The following OR52N4 variants were observed in gnomAD, a reference collection of about 807,000 sequenced individuals.
OR52N4 encodes the protein olfactory receptor family 52 subfamily N member 4, also known as olfactory receptor 52N4.
In OR52N4, 15 loss-of-function variants were observed where a neutral mutation model predicts 15.0. That is an observed-to-expected ratio of 1.00 (90% CI 0.67 to 1.54). OR52N4 has a LOEUF of 1.54. Ranked by LOEUF, OR52N4 falls within the 40% of genes most tolerant of loss-of-function variation. The pLI, the probability that OR52N4 is intolerant of heterozygous loss-of-function variation, is 0.00. For missense variants in OR52N4, 421 were observed against 394.0 expected, an observed-to-expected ratio of 1.07 and a Z score of -0.58; for synonymous variants, 143 against 143.7, an observed-to-expected ratio of 1.00 and a Z score of 0.03.
At chr11:5,734,810 G>T in the OR52N4 span, among the ~76,000 whole-genome samples, 4,543 of 152,078 alleles carry the variant, frequency 0.03, 70 homozygotes, top group African/African-American at 0.045. Flanking sequence ...TCCTCTAAAA[G>T]CTCAAAGTCA....
chr11:5,736,743 G>A, the OR52N4 span: 4 of 1,614,004 alleles, frequency 2.5e-6, no homozygotes, highest in South Asian at 4.4e-5. Flanking sequence ...GGCATCCTCT[G>A]TATGGTAGAC....
At chr11:5,730,407 G>A in the OR52N4 span, among the ~76,000 whole-genome samples, 1 of 151,686 alleles carries the variant, frequency 6.6e-6, no homozygotes, top group South Asian at 2.1e-4. Context: ...TAGCCAGGAT[G>A]GTCTCGATCT....
the OR52N4 span, chr11:5,734,298 C>T: frequency 6.9e-6 from 3 of 433,974 alleles, no homozygotes; most frequent in African/African-American, 2.1e-5. Flanking sequence ...ATGGCTTATC[C>T]TAAACATTAT....
At chr11:5,746,348 G>C in the OR52N4 span, among the ~76,000 whole-genome samples, 2 of 152,022 alleles carry the variant, frequency 1.3e-5, no homozygotes, top group Non-Finnish European at 2.9e-5. Context: ...AAACAATCAA[G>C]AGAGTAAGCT....
chr11:5,751,263 T>C (rs1854186122), upstream of OR52N4, among the ~76,000 whole-genome samples: 2 of 152,076 alleles, frequency 1.3e-5, no homozygotes, highest in Admixed American at 6.6e-5. Context: ...ACTGCATATA[T>C]AATTTTTAAA....
the OR52N4 span, chr11:5,737,612 A>T: frequency 1.1e-6 from 1 of 891,784 alleles, no homozygotes; most frequent in Non-Finnish European, 1.6e-6. Flanking sequence ...GTATGTAAAT[A>T]ATTGTGAAAG....
chr11:5,739,477 G>T, the OR52N4 span, among the ~76,000 whole-genome samples: 3 of 117,530 alleles, frequency 2.6e-5, 1 homozygote, highest in African/African-American at 9.3e-5. Flanking sequence ...TGGGAGGACT[G>T]CCTGATCCCA....
the OR52N4 span, chr11:5,736,622 C>T: frequency 5.0e-6 from 8 of 1,614,026 alleles, no homozygotes; most frequent in Admixed American, 8.3e-5. Context: ...GCAACACTGG[C>T]TATCTCTGCC....
chr11:5,734,582 G>A, the OR52N4 span, among the ~76,000 whole-genome samples: 1 of 151,948 alleles, frequency 6.6e-6, no homozygotes, highest in Admixed American at 6.6e-5. Context: ...TTCTTTTTCT[G>A]TGAGCTCAAA....
In OR52N4 at chr11:5,755,116, G is replaced by C. The variant is rs765280826; in HGVS notation, c.376G>C (p.Val126Leu). 6.2e-7 allele frequency: 1 copy of C among 1,614,050 alleles called. No individual in the cohort carries two copies. Among genetic ancestry groups the C allele is most frequent in the South Asian group, 1.1e-5 (1 of 91,074 alleles). The change falls in exon 2 of 2, where the codon GTG (valine) becomes CTG (leucine). Residue 126 changes from valine (V) to leucine (L), a missense_variant. By Grantham distance (32) the Val-to-Leu change is conservative. Transcript: ENST00000641350. ...TATGCTTATGGCCCTGGATCGCTAT[G>C]TGGCCATCTGCTACCCCTTACGCTA... is the stretch of plus-strand genomic sequence containing the variant. The part of the protein sequence containing the change: ...VLMLMALDRY[V>L]AICYPLRYST...
At chr11:5,744,206 G>A in the OR52N4 span, among the ~76,000 whole-genome samples, 60 of 152,234 alleles carry the variant, frequency 3.9e-4, no homozygotes, top group Admixed American at 7.2e-4. Context: ...CCAATAACAA[G>A]TAGTGCAACT....
chr11:5,733,309 G>T, the OR52N4 span, among the ~76,000 whole-genome samples: 10 of 152,066 alleles, frequency 6.6e-5, no homozygotes, highest in Non-Finnish European at 1.2e-4. Context: ...GTCACCTTGA[G>T]GTTACCTTGT....
upstream of OR52N4, among the ~76,000 whole-genome samples, chr11:5,753,862 A>G (rs1232828306): frequency 4.0e-5 from 6 of 150,790 alleles, no homozygotes; most frequent in Non-Finnish European, 7.4e-5. Flanking sequence ...GCGTGGTGGC[A>G]TGTGCCTGTA....
At chr11:5,734,297 C>G in the OR52N4 span, 40 of 434,376 alleles carry the variant, frequency 9.2e-5, no homozygotes, top group East Asian at 2.9e-3. Context: ...AATGGCTTAT[C>G]CTAAACATTA....
the OR52N4 span, among the ~76,000 whole-genome samples, chr11:5,729,680 T>C: frequency 2.6e-5 from 4 of 152,232 alleles, no homozygotes; most frequent in Non-Finnish European, 5.9e-5. Flanking sequence ...TAGATGTCTA[T>C]GTGTTCACCT....
chr11:5,746,897 G>A, the OR52N4 span, among the ~76,000 whole-genome samples: 7 of 151,958 alleles, frequency 4.6e-5, no homozygotes, highest in Non-Finnish European at 8.8e-5. Flanking sequence ...CAAAGATAGC[G>A]AATCAGACTA....
the OR52N4 span, chr11:5,737,069 C>T: frequency 6.2e-7 from 1 of 1,614,106 alleles, no homozygotes; most frequent in Non-Finnish European, 8.5e-7. Context: ...TGAAATTGAA[C>T]ACTGCCTGTG....
upstream of OR52N4, among the ~76,000 whole-genome samples, chr11:5,752,388 G>A (rs1854208778): frequency 3.3e-5 from 5 of 152,130 alleles, no homozygotes; most frequent in Admixed American, 3.3e-4. Flanking sequence ...ACATGTGACT[G>A]TACTTCCTAT....
At chr11:5,752,206 C>A (rs1195618334), upstream of OR52N4, among the ~76,000 whole-genome samples, 2 of 152,174 alleles carry the variant, frequency 1.3e-5, no homozygotes, top group Admixed American at 1.3e-4. Flanking sequence ...GTTAGACACA[C>A]AGGTGCTCCT....
Sources: allele counts gnomAD v4.1 joint callset (sites outside exome capture counted in the v4.1 genomes callset), GRCh38; gene constraint gnomAD v4.1.1; transcripts MANE v1.5; gene names NCBI Gene and HGNC (gene_info 2026-07-23, HGNC 2026-07-21).